SLC22A23: variants seen among roughly 807,000 people sequenced by gnomAD.
The protein encoded by SLC22A23 is solute carrier family 22 member 23, also known as ion transporter protein.
In SLC22A23, 26 loss-of-function variants were observed where a neutral mutation model predicts 61.0. The ratio of observed to expected loss-of-function variants is 0.43; its 90% CI spans 0.31 to 0.59. The LOEUF (loss-of-function observed/expected upper bound fraction) is 0.59, where lower values mean the gene tolerates loss of function less well. Ranked by LOEUF, SLC22A23 falls within the 20% of genes least tolerant of loss-of-function variation. The probability of loss-of-function intolerance (pLI) is 0.11; values close to 1 mark genes in which losing one functional copy is unlikely to be tolerated. For synonymous variants in SLC22A23, 430 were observed against 413.9 expected (o/e 1.04, Z -0.47); for missense variants, 796 against 934.7 (o/e 0.85, Z 1.94).
chr6:3,293,497 G>A (rs9392474), intron 5 of SLC22A23, among the ~76,000 whole-genome samples: 15,000 of 151,674 alleles, frequency 0.099, 1,026 homozygotes, highest in East Asian at 0.33. Context: ...GTCCACAGGA[G>A]TCTTATCACG....
At chr6:3,382,431 A>G (rs1186123300) in intron 3 of SLC22A23, among the ~76,000 whole-genome samples, 1 of 152,148 alleles carries the variant, frequency 6.6e-6, no homozygotes. Context: ...CTCAACTTTT[A>G]TTTTGCCTCA....
Position 3,410,104 on chromosome 6 carries a change from T to C in SLC22A23, c.913+84A>G. 1.4e-6 allele frequency: 2 copies of C among 1,479,682 alleles called. No individual in the cohort carries two copies. The highest frequency in any genetic ancestry group is 1.8e-6 in the Non-Finnish European group (2 of 1,098,992). The allele number at this position is 1,479,682 out of a possible 1,614,324, so 91.7% of individuals were successfully genotyped here. A position where few individuals can be genotyped will look rare whatever the true frequency, so the allele number is the denominator to read the frequency against. On this transcript the variant is annotated intron_variant, in intron 3 of 9. Transcript: ENST00000406686. The surrounding 1 kb of genome is among the most constrained non-coding windows in gnomAD (Gnocchi z 5.0). Reference sequence around the variant, plus strand: ...AAACTGCCAGCCCACACGAGCAGCATGCACAGTATCTTTCCCAGAACCTCC... The same window carrying C: ...AAACTGCCAGCCCACACGAGCAGCACGCACAGTATCTTTCCCAGAACCTCC...
intron 5 of SLC22A23, among the ~76,000 whole-genome samples, chr6:3,294,500 C>A (rs1179702832): frequency 1.3e-5 from 2 of 152,196 alleles, no homozygotes; most frequent in Non-Finnish European, 2.9e-5. Context: ...CAAAACACTT[C>A]TGGTCCCGAG....
At chr6:3,425,448 C>T (rs555390616) in intron 1 of SLC22A23, among the ~76,000 whole-genome samples, 1 of 152,006 alleles carries the variant, frequency 6.6e-6, no homozygotes, top group African/African-American at 2.4e-5. Context: ...CCACGCCCGG[C>T]TAATTTTTTG....
chr6:3,412,178 C>T (rs1769308301), intron 2 of SLC22A23, among the ~76,000 whole-genome samples: 1 of 152,182 alleles, frequency 6.6e-6, no homozygotes, highest in Non-Finnish European at 1.5e-5. Context: ...ACATGGTTTG[C>T]TCTGTTCTGA....
intron 3 of SLC22A23, among the ~76,000 whole-genome samples, chr6:3,325,065 G>T (rs1294338832): frequency 6.6e-6 from 1 of 152,184 alleles, no homozygotes; most frequent in Non-Finnish European, 1.5e-5. Context: ...AAGGCTTCTT[G>T]CTTGCTTGCT....
chr6:3,434,339 G>A (rs936351565), intron 1 of SLC22A23, among the ~76,000 whole-genome samples: 3 of 151,620 alleles, frequency 2.0e-5, no homozygotes, highest in Non-Finnish European at 2.9e-5. Context: ...TAAAGAGCTG[G>A]GTGCGGTGGC....
chr6:3,445,717 G>A (rs145186662), intron 1 of SLC22A23, among the ~76,000 whole-genome samples: 25 of 152,286 alleles, frequency 1.6e-4, no homozygotes, highest in East Asian at 9.7e-4. Context: ...AAGGAAGGAG[G>A]GAAGGGGCTC....
chr6:3,283,008 T>G (rs1309458421), intron 9 of SLC22A23, among the ~76,000 whole-genome samples: 1 of 152,212 alleles, frequency 6.6e-6, no homozygotes, highest in Admixed American at 6.5e-5. Context: ...GGGACTGTGC[T>G]GCTGTGTTTT....
chr6:3,316,034 G>A (rs986044623), intron 4 of SLC22A23, among the ~76,000 whole-genome samples: 5 of 152,122 alleles, frequency 3.3e-5, no homozygotes, highest in East Asian at 1.9e-4. Flanking sequence ...TAAAACACAC[G>A]CTGCCAGGCC....
chr6:3,418,188 A>G (rs1475927577), intron 1 of SLC22A23, among the ~76,000 whole-genome samples: 1 of 152,186 alleles, frequency 6.6e-6, no homozygotes, highest in Non-Finnish European at 1.5e-5. Context: ...GGAGAGGAAC[A>G]CATCCCGACC....
In SLC22A23 at chr6:3,363,614, C is replaced by T. The variant is rs575875558; in HGVS notation, c.914-39612G>A. Among the ~76,000 whole-genome samples the T allele has an allele frequency of 5.2e-5, 8 of 152,382 alleles. No individual in the cohort carries two copies. In the South Asian group the frequency reaches 1.7e-3, roughly 32 times the overall value. On this transcript the variant is annotated intron_variant, in intron 3 of 9. Transcript: ENST00000406686. ...GTCACGCCCAAACTAGGATGTGGCA[C>T]CTTCAGCACTAAGGTGCCTGCTTGC...
chr6:3,376,937 G>T (rs1402204435), intron 3 of SLC22A23, among the ~76,000 whole-genome samples: 1 of 151,920 alleles, frequency 6.6e-6, no homozygotes, highest in African/African-American at 2.4e-5. Flanking sequence ...AGGAAGAAGG[G>T]CATTTCAGAT....
At chr6:3,351,025 G>A (rs114439891) in intron 3 of SLC22A23, among the ~76,000 whole-genome samples, 1,961 of 151,950 alleles carry the variant, frequency 0.013, 23 homozygotes, top group Middle Eastern at 0.054. Context: ...TTATAATGGT[G>A]AGCCTGCATT....
At chr6:3,418,871 G>T (rs1167842074) in intron 1 of SLC22A23, among the ~76,000 whole-genome samples, 1 of 152,202 alleles carries the variant, frequency 6.6e-6, no homozygotes, top group Non-Finnish European at 1.5e-5. Context: ...AGCGCTGGGG[G>T]AACCCATGGC....
chr6:3,393,074 C>A (rs1767770275), intron 3 of SLC22A23, among the ~76,000 whole-genome samples: 1 of 152,114 alleles, frequency 6.6e-6, no homozygotes, highest in Non-Finnish European at 1.5e-5. Flanking sequence ...AGGGTGTGGT[C>A]AAGCTGGGTC....
chr6:3,400,563 C>G (rs1356705421), intron 3 of SLC22A23, among the ~76,000 whole-genome samples: 3 of 152,222 alleles, frequency 2.0e-5, no homozygotes, highest in Non-Finnish European at 4.4e-5. Context: ...TCACGTTCAT[C>G]TGGTCAGCCA....
chr6:3,337,591 A>G (rs1258328003), intron 3 of SLC22A23, among the ~76,000 whole-genome samples: 1 of 152,158 alleles, frequency 6.6e-6, no homozygotes, highest in Non-Finnish European at 1.5e-5. Flanking sequence ...GCTCCTGCAG[A>G]GCCCTGGTGG....
At chr6:3,370,756 T>C (rs377644665) in intron 3 of SLC22A23, among the ~76,000 whole-genome samples, 3 of 152,260 alleles carry the variant, frequency 2.0e-5, no homozygotes, top group African/African-American at 4.8e-5. Flanking sequence ...AATAACTTGA[T>C]TGATCTCTTA....
Sources: allele counts gnomAD v4.1 joint callset (sites outside exome capture counted in the v4.1 genomes callset), GRCh38; gene constraint gnomAD v4.1.1; non-coding constraint Gnocchi (gnomAD v3.1); transcripts MANE v1.5; gene names NCBI Gene and HGNC (gene_info 2026-07-23, HGNC 2026-07-21).